Variants in DNAJB1 observed in about 807,000 individuals in gnomAD.
The protein encoded by DNAJB1 is dnaJ homolog subfamily B member 1.
A neutral mutation model predicts 24.0 loss-of-function variants in DNAJB1; 14 were observed. That is an observed-to-expected ratio of 0.58 (90% confidence interval 0.39 to 0.91). DNAJB1 has a LOEUF of 0.91. DNAJB1 is among the 40% of genes least tolerant of loss of function. The probability of loss-of-function intolerance (pLI) is 0.00; values close to 1 mark genes in which losing one functional copy is unlikely to be tolerated. For missense variants in DNAJB1, 517 were observed against 458.1 expected (o/e 1.13, Z -1.17); for synonymous variants, 262 against 174.4 (o/e 1.50, Z -3.96).
chr19:14,537,293 G>C (rs1408723559), intron 1 of DNAJB1, among the ~76,000 whole-genome samples: 2 of 149,506 alleles, frequency 1.3e-5, no homozygotes, highest in Non-Finnish European at 3.0e-5. Flanking sequence ...GGACCAGGGA[G>C]GGGGAGGCGG....
At chr19:14,525,140 G>A (rs972018401) in intron 2 of DNAJB1, among the ~76,000 whole-genome samples, 5 of 151,880 alleles carry the variant, frequency 3.3e-5, no homozygotes, top group African/African-American at 1.2e-4. Context: ...GGCTGATGCA[G>A]GAGAATCGCT....
rs564188602 is a variant in DNAJB1, at chr19:14,535,659, C to CAGGAGAATTCG, written c.-213-7860_-213-7850dup. Among the ~76,000 whole-genome samples the CAGGAGAATTCG allele has an allele frequency of 4.4e-3, 549 of 125,094 alleles. 8 individuals are homozygous for CAGGAGAATTCG. Among genetic ancestry groups the CAGGAGAATTCG allele is most frequent in the Non-Finnish European group, 6.3e-3 (396 of 63,328 alleles). 82.1% of individuals were successfully genotyped at this position (125,094 alleles called of 152,430 possible). On this transcript the variant is annotated intron_variant, in intron 1 of 3. Transcript: ENST00000676982. ...ATCCCAGGTACTCGAGAGACTGAGG[C>CAGGAGAATTCG]AGGAGAATTCGTTTGAACCTGGGAG...
chr19:14,535,582 A>ATG (rs1568396691), intron 1 of DNAJB1, among the ~76,000 whole-genome samples: 2 of 38,824 alleles, frequency 5.2e-5, no homozygotes, highest in African/African-American at 7.9e-5. Flanking sequence ...ATATATATAT[A>ATG]TATATATGTA....
At chr19:14,546,925 A>G (rs1367113117) in intron 1 of DNAJB1, among the ~76,000 whole-genome samples, 1 of 152,086 alleles carries the variant, frequency 6.6e-6, no homozygotes, top group Non-Finnish European at 1.5e-5. Flanking sequence ...CCTGACCTCA[A>G]GTGATCTGAT....
intron 1 of DNAJB1, among the ~76,000 whole-genome samples, chr19:14,545,354 C>T (rs1353364488): frequency 6.6e-6 from 1 of 152,224 alleles, no homozygotes; most frequent in Non-Finnish European, 1.5e-5. Context: ...AGCTGAAATC[C>T]CATTTCCTCA....
At chr19:14,535,439 G>A (rs554801072) in intron 1 of DNAJB1, among the ~76,000 whole-genome samples, 1 of 142,674 alleles carries the variant, frequency 7.0e-6, no homozygotes, top group Non-Finnish European at 1.5e-5. Context: ...CCCGGGAGGC[G>A]GAGCTTGCAG....
chr19:14,517,020 C>G lies in DNAJB1; in HGVS notation c.238G>C (p.Gly80Arg), dbSNP rs1346811072. ...GTACCATTGGCACCACCGCCGCTAC[C>G]GCCACTGGGGCCACTCCCCTTTAGG... ...EGLKGSGPSG[G>R]SGGGANGTSF... The change falls in exon 2 of 3, where the codon GGT (glycine) becomes CGT (arginine). Residue 80 changes from glycine (G) to arginine (R), a missense_variant. Physicochemically the swap from Gly to Arg is moderately radical, Grantham distance 125. Coordinates refer to ENST00000254322, the MANE Select transcript of DNAJB1 (RefSeq NM_006145.3). 1 of 1,610,536 alleles carries G rather than the reference C, an allele frequency of 6.2e-7. No homozygotes were observed. Among genetic ancestry groups the G allele is most frequent in the East Asian group, 2.2e-5 (1 of 44,854 alleles).
intron 1 of DNAJB1, 93 bp from the exon 2 acceptor site, chr19:14,517,139 G>T: frequency 7.3e-7 from 1 of 1,371,596 alleles, no homozygotes; most frequent in Non-Finnish European, 9.8e-7. Flanking sequence ...AAGCCATGGG[G>T]GAGGAACTTT....
chr19:14,516,171 C>T lies in DNAJB1; in HGVS notation c.793-1G>A. The T allele has an allele frequency of 6.2e-7, 1 of 1,613,226 alleles. No individual in the cohort carries two copies. Among genetic ancestry groups the T allele is most frequent in the Non-Finnish European group, 8.5e-7 (1 of 1,179,838 alleles). On this transcript the variant is annotated splice_acceptor_variant, in intron 2 of 2. Coordinates refer to ENST00000254322, the MANE Select transcript of DNAJB1 (RefSeq NM_006145.3). LOFTEE classifies it high-confidence loss of function. ...CGTTCACTGTGCAGCCACACAGAGC[C>T]TTGAAAAGCAAAAGGACAGCATTAG...
At chr19:14,539,472 A>G (rs2073022483) in intron 1 of DNAJB1, among the ~76,000 whole-genome samples, 1 of 152,056 alleles carries the variant, frequency 6.6e-6, no homozygotes, top group Non-Finnish European at 1.5e-5. Flanking sequence ...ACCTAGGAGC[A>G]CACTGCTTCT....
chr19:14,515,722 C>T lies in DNAJB1; in HGVS notation c.*218G>A. 1 of 515,736 alleles carries T rather than the reference C, an allele frequency of 1.9e-6. No individual in the cohort carries two copies. The highest frequency in any genetic ancestry group is 2.6e-5 in the South Asian group (1 of 38,614). 31.9% of individuals were successfully genotyped at this position (515,736 alleles called of 1,614,324 possible). ...AGTGGGGCAGACTGGAATGCCTTTT[C>T]CTGCTGTTCCCACCACCTGATGCCC... On this transcript the variant is annotated 3_prime_UTR_variant, in exon 3 of 3. Transcript: ENST00000254322.
upstream of DNAJB1, among the ~76,000 whole-genome samples, chr19:14,552,005 C>T (rs1354882859): frequency 3.0e-5 from 4 of 131,212 alleles, no homozygotes; most frequent in Non-Finnish European, 4.7e-5. Context: ...GATGGAGTCT[C>T]GCTCTGTCGC....
At chr19:14,537,504 C>G (rs1211209277) in intron 1 of DNAJB1, among the ~76,000 whole-genome samples, 2 of 152,082 alleles carry the variant, frequency 1.3e-5, no homozygotes, top group Admixed American at 1.3e-4. Context: ...GGCCTTGCGA[C>G]TCTGATAAGG....
chr19:14,559,324 G>C (rs2073837017), intron 1 of DNAJB1, among the ~76,000 whole-genome samples: 2 of 152,004 alleles, frequency 1.3e-5, no homozygotes, highest in African/African-American at 4.8e-5. Flanking sequence ...GTACCCAGCA[G>C]CAGCCACTCC....
At chr19:14,553,191 G>A (rs747850213), upstream of DNAJB1, among the ~76,000 whole-genome samples, 1 of 152,168 alleles carries the variant, frequency 6.6e-6, no homozygotes, top group Non-Finnish European at 1.5e-5. Flanking sequence ...CTACCTGCTC[G>A]CTCGGGGCTC....
At chr19:14,543,409 ATATATATATATTTTTTTTTTTTTT>A (rs1413100461) in intron 1 of DNAJB1, among the ~76,000 whole-genome samples, 170 of 9,442 alleles carry the variant, frequency 0.018, 3 homozygotes, top group African/African-American at 0.051. Flanking sequence ...ATATATATAT[ATATATATATATTTTTTTTTTTTTT>A]TTTTTTTTTT....
At chr19:14,558,599 G>A (rs1255848332) in intron 1 of DNAJB1, among the ~76,000 whole-genome samples, 1 of 152,146 alleles carries the variant, frequency 6.6e-6, no homozygotes, top group Non-Finnish European at 1.5e-5. Context: ...CTGTGCCCCA[G>A]GCCAGAGTGC....
upstream of DNAJB1, among the ~76,000 whole-genome samples, chr19:14,534,595 C>G (rs2072798842): frequency 1.3e-5 from 2 of 151,874 alleles, no homozygotes; most frequent in Non-Finnish European, 2.9e-5. Flanking sequence ...GCCACCATGC[C>G]CGGCTAATTT....
At chr19:14,529,678 G>A (rs780269482), upstream of DNAJB1, 4 of 1,613,728 alleles carry the variant, frequency 2.5e-6, no homozygotes, top group Non-Finnish European at 3.4e-6. Context: ...CGGAGCAGTA[G>A]CCGCCGTGGG....
Sources: gnomAD v4.1 joint callset for allele counts (sites outside exome capture counted in the v4.1 genomes callset) on GRCh38, gnomAD v4.1.1 for gene constraint, MANE v1.5 for transcripts, NCBI Gene and HGNC (gene_info 2026-07-23, HGNC 2026-07-21) for gene names.